Variants in BCKDHB observed in about 807,000 individuals in gnomAD.
The protein encoded by BCKDHB is branched chain keto acid dehydrogenase E1 subunit beta, also known as 2-oxoisovalerate dehydrogenase subunit beta, mitochondrial.
BCKDHB carries 41 observed loss-of-function variants against 48.5 expected under a neutral mutation model. The observed-to-expected ratio is 0.85, with a 90% CI of 0.66 to 1.10. The LOEUF is 1.10. BCKDHB is among the 50% of genes least tolerant of loss of function. The pLI is 0.00. For missense variants in BCKDHB, 496 were observed against 494.2 expected (o/e 1.00, Z -0.03); for synonymous variants, 201 against 174.8 (o/e 1.15, Z -1.18).
At chr6:80,233,682 A>G (rs1562160110) in intron 8 of BCKDHB, among the ~76,000 whole-genome samples, 1 of 152,164 alleles carries the variant, frequency 6.6e-6, no homozygotes, top group Non-Finnish European at 1.5e-5. Context: ...TTGCGTGTCA[A>G]ATGTTCAATG....
At chr6:80,373,888 A>T in the BCKDHB span, 1,141 of 387,646 alleles carry the variant, frequency 2.9e-3, 5 homozygotes, top group Middle Eastern at 5.3e-3. Context: ...CCTTAAGTTT[A>T]TGTGAATCCT....
At chr6:80,129,821 A>C (rs1770540809) in intron 3 of BCKDHB, among the ~76,000 whole-genome samples, 1 of 152,158 alleles carries the variant, frequency 6.6e-6, no homozygotes, top group Non-Finnish European at 1.5e-5. Context: ...GATTGTATGA[A>C]GCCTACCCAC....
intron 6 of BCKDHB, among the ~76,000 whole-genome samples, chr6:80,184,870 C>T (rs544308361): frequency 2.2e-4 from 33 of 152,264 alleles, no homozygotes; most frequent in African/African-American, 7.5e-4. Flanking sequence ...TCTGAAGATT[C>T]TTTCCTTTGT....
chr6:80,194,857 A>G (rs1357207899), intron 6 of BCKDHB, among the ~76,000 whole-genome samples: 1 of 152,040 alleles, frequency 6.6e-6, no homozygotes, highest in Non-Finnish European at 1.5e-5. Flanking sequence ...ACTTCATTTG[A>G]TCTCTCACTT....
chr6:80,174,799 A>T (rs192214833), intron 6 of BCKDHB, among the ~76,000 whole-genome samples: 1 of 152,290 alleles, frequency 6.6e-6, no homozygotes, highest in Non-Finnish European at 1.5e-5. Context: ...AGACTTTGCT[A>T]GGAGCCCTTG....
At chr6:80,313,655 C>G (rs1400315823) in intron 9 of BCKDHB, among the ~76,000 whole-genome samples, 1 of 152,222 alleles carries the variant, frequency 6.6e-6, no homozygotes, top group Non-Finnish European at 1.5e-5. Context: ...GCCACCACAC[C>G]TGGCCTGAGC....
At chr6:80,321,605 T>C (rs992943769) in intron 9 of BCKDHB, among the ~76,000 whole-genome samples, 2 of 152,144 alleles carry the variant, frequency 1.3e-5, no homozygotes, top group Non-Finnish European at 2.9e-5. Context: ...CCATAACTTA[T>C]TTTTCGTGAA....
At chr6:80,197,107 T>C (rs902781914) in intron 6 of BCKDHB, among the ~76,000 whole-genome samples, 6 of 152,190 alleles carry the variant, frequency 3.9e-5, no homozygotes, top group African/African-American at 1.4e-4. Flanking sequence ...TGGTGCTCTT[T>C]AGCTTCTGAA....
rs73465559 is a variant in BCKDHB at position 80,329,885 on chromosome 6, C to T, written c.1039-13779C>T. On this transcript the variant is annotated intron_variant, in intron 9 of 9. Transcript: ENST00000320393. The stretch of plus-strand genomic sequence containing the variant: ...CTTTTTAGCACTCCTCAAACACCTT[C>T]CCCCAACTAAAACATAAAACTCTAT... Among the ~76,000 whole-genome samples the T allele has an allele frequency of 7.8e-3, 1,185 of 152,210 alleles. 10 individuals are homozygous for T. Among genetic ancestry groups the T allele is most frequent in the African/African-American group, 0.027 (1,139 of 41,526 alleles).
rs186566449 is a variant in BCKDHB, at chr6:80,144,206, A to C, written c.343+14977A>C. Reference sequence around the variant, plus strand: ...GCATAAGCCCACTGGATTTATTCAGATCTAAATTAAGCATTGATAGGATGG... The same window carrying C: ...GCATAAGCCCACTGGATTTATTCAGCTCTAAATTAAGCATTGATAGGATGG... On this transcript the variant is annotated intron_variant, in intron 3 of 9. Transcript: ENST00000320393. Among the ~76,000 whole-genome samples, 3 of 152,300 alleles carry C rather than the reference A, an allele frequency of 2.0e-5. No individual in the cohort carries two copies. In the East Asian group the frequency reaches 5.8e-4, roughly 29 times the overall value.
chr6:80,314,457 C>A (rs993023437), intron 9 of BCKDHB, among the ~76,000 whole-genome samples: 1 of 152,352 alleles, frequency 6.6e-6, no homozygotes, highest in Admixed American at 6.5e-5. Context: ...GTGGCCTGCT[C>A]CACCCACCAT....
At chr6:80,196,888 T>C (rs920378270) in intron 6 of BCKDHB, among the ~76,000 whole-genome samples, 1 of 152,220 alleles carries the variant, frequency 6.6e-6, no homozygotes. Flanking sequence ...CTATCCTGTT[T>C]GATATTTGCA....
chr6:80,217,718 A>G (rs1380615638), intron 8 of BCKDHB, among the ~76,000 whole-genome samples: 1 of 152,204 alleles, frequency 6.6e-6, no homozygotes, highest in African/African-American at 2.4e-5. Flanking sequence ...CATTGCACAG[A>G]TATTTCTGCT....
chr6:80,111,848 C>G (rs566127342), intron 1 of BCKDHB, among the ~76,000 whole-genome samples: 40 of 152,274 alleles, frequency 2.6e-4, no homozygotes, highest in African/African-American at 8.9e-4. Flanking sequence ...ATTTTTCCTA[C>G]TTAGTCTACC....
Position 80,168,948 on chromosome 6 carries a change from C to A in BCKDHB, c.551C>A (p.Ser184Tyr), listed in dbSNP as rs187245873. The change falls in exon 5 of 10, where the codon TCC (serine) becomes TAC (tyrosine). Residue 184 changes from serine (S) to tyrosine (Y), a missense_variant. Coordinates refer to ENST00000320393, the MANE Select transcript of BCKDHB (RefSeq NM_183050.4). ...LFNCGSLTIR[S>Y]PWGCVGHGAL... ...AACTGTGGAAGCCTCACTATCCGGT[C>A]CCCTTGGGGCTGTGTTGGTCATGGG... 6.2e-7 allele frequency: 1 copy of A among 1,614,036 alleles called. No individual in the cohort carries two copies. Among genetic ancestry groups the A allele is most frequent in the East Asian group, 2.2e-5 (1 of 44,882 alleles).
chr6:80,308,353 G>A (rs1767978751), intron 9 of BCKDHB, among the ~76,000 whole-genome samples: 1 of 151,700 alleles, frequency 6.6e-6, no homozygotes, highest in Admixed American at 6.6e-5. Flanking sequence ...CTCTATTTTT[G>A]ACCATTTAGA....
chr6:80,332,819 G>A (rs899040107), intron 9 of BCKDHB, among the ~76,000 whole-genome samples: 15 of 151,834 alleles, frequency 9.9e-5, no homozygotes, highest in Non-Finnish European at 2.1e-4. Context: ...GAACTCAAGT[G>A]GCAGCTCATG....
At chr6:80,435,761 C>G in the BCKDHB span, among the ~76,000 whole-genome samples, 3 of 152,186 alleles carry the variant, frequency 2.0e-5, no homozygotes, top group Admixed American at 6.5e-5. Flanking sequence ...CAGCCAGGCA[C>G]AGTGGCTCAT....
intron 8 of BCKDHB, among the ~76,000 whole-genome samples, chr6:80,230,271 C>G (rs1015850939): frequency 7.3e-5 from 11 of 151,498 alleles, no homozygotes; most frequent in African/African-American, 2.7e-4. Context: ...ATCTCCTGAC[C>G]TCGTGATCCG....
Sources: allele counts gnomAD v4.1 joint callset (sites outside exome capture counted in the v4.1 genomes callset), GRCh38; gene constraint gnomAD v4.1.1; transcripts MANE v1.5; gene names NCBI Gene and HGNC (gene_info 2026-07-23, HGNC 2026-07-21).